Variants in EPHB2 observed in about 807,000 individuals in gnomAD.
EPHB2 encodes the protein ephrin type-B receptor 2.
EPHB2 carries 18 observed loss-of-function variants against 96.4 expected under a neutral mutation model. The observed-to-expected ratio is 0.19, with a 90% CI of 0.13 to 0.28. EPHB2 has a LOEUF of 0.28. Ranked by LOEUF, EPHB2 falls within the 10% of genes least tolerant of loss-of-function variation. EPHB2 has a pLI of 1.00. For missense variants in EPHB2, 989 were observed against 1,355.4 expected (o/e 0.73, Z 4.25); for synonymous variants, 506 against 534.1 (o/e 0.95, Z 0.72).
chr1:22,841,008 A>C (rs534491659), intron 3 of EPHB2, among the ~76,000 whole-genome samples: 1 of 152,270 alleles, frequency 6.6e-6, no homozygotes, highest in East Asian at 1.9e-4. Flanking sequence ...TCACTGTCTG[A>C]CAGAGGAGAC....
intron 3 of EPHB2, among the ~76,000 whole-genome samples, chr1:22,852,434 G>A (rs532878352): frequency 6.6e-6 from 1 of 152,354 alleles, no homozygotes; most frequent in East Asian, 1.9e-4. Context: ...CCAGAGTGGG[G>A]AGCCACCCTG....
rs1476906369 is a variant in EPHB2 at position 22,918,936 on chromosome 1, A to G, written c.*5366A>G. ...CAGAGGTGATTCCCAGAAGATTCCA[A>G]CCAGGCCATCTGTCTGTAGTCCTTC... On this transcript the variant is annotated 3_prime_UTR_variant, in exon 16 of 16. Coordinates refer to ENST00000374630, the MANE Select transcript of EPHB2 (RefSeq NM_017449.5). The surrounding 1 kb of genome is among the most constrained non-coding windows in gnomAD (Gnocchi z 4.2). 2 of 152,240 alleles carry G rather than the reference A, an allele frequency of 1.3e-5. No individual in the cohort carries two copies. Among genetic ancestry groups the G allele is most frequent in the Non-Finnish European group, 2.9e-5 (2 of 68,044 alleles). 9.4% of individuals were successfully genotyped at this position (152,240 alleles called of 1,614,324 possible).
chr1:22,838,099 A>T (rs566985535), intron 3 of EPHB2, among the ~76,000 whole-genome samples: 14 of 152,326 alleles, frequency 9.2e-5, no homozygotes, highest in African/African-American at 2.9e-4. Flanking sequence ...GCAGATAAAC[A>T]GAGCCCGGGG....
rs1015698806 is a variant in EPHB2 at position 22,875,587 on chromosome 1, G to A, written c.1304-6772G>A. Among the ~76,000 whole-genome samples, 1 of 152,086 alleles carries A rather than the reference G, an allele frequency of 6.6e-6. No individual in the cohort carries two copies. Among genetic ancestry groups the A allele is most frequent in the Non-Finnish European group, 1.5e-5 (1 of 68,016 alleles). On this transcript the variant is annotated intron_variant, in intron 5 of 15. Coordinates refer to ENST00000374630, the MANE Select transcript of EPHB2 (RefSeq NM_017449.5). The surrounding 1 kb of genome is among the most constrained non-coding windows in gnomAD (Gnocchi z 4.2). ...GCCAGAAAAGGGGAGAATCTGTCTG[G>A]TCCCCGCTTTTCCCTTTCTCCCTTC...
In EPHB2 at chr1:22,858,935, C is replaced by A. The variant is rs1645747371; in HGVS notation, c.812-4102C>A. On this transcript the variant is annotated intron_variant, in intron 3 of 15. Transcript: ENST00000374630. The surrounding 1 kb of genome is among the most constrained non-coding windows in gnomAD (Gnocchi z 7.7). ...TTATACTGGGAGTTTACAGTCCAGC[C>A]AGGTAGACACATTCATAAGCAAGTA... 6.6e-6 allele frequency among the ~76,000 whole-genome samples: 1 copy of A among 152,154 alleles called. No individual in the cohort carries two copies. Among genetic ancestry groups the A allele is most frequent in the Admixed American group, 6.5e-5 (1 of 15,272 alleles).
At chr1:22,802,584 A>T (rs1308197858) in intron 3 of EPHB2, among the ~76,000 whole-genome samples, 1 of 151,984 alleles carries the variant, frequency 6.6e-6, no homozygotes, top group East Asian at 1.9e-4. Context: ...CTCCGAGAGG[A>T]GAAAGGTCTG....
intron 1 of EPHB2, among the ~76,000 whole-genome samples, chr1:22,778,483 C>G (rs980774201): frequency 1.3e-5 from 2 of 152,146 alleles, no homozygotes; most frequent in Admixed American, 1.3e-4. Context: ...AGCAAAAGAC[C>G]AGGTTGGGGA....
intron 6 of EPHB2, among the ~76,000 whole-genome samples, chr1:22,884,506 G>C (rs950412001): frequency 1.3e-5 from 2 of 151,672 alleles, no homozygotes; most frequent in Non-Finnish European, 2.9e-5. Flanking sequence ...TGTAATCCCA[G>C]CTACTCAGGA....
At position 22,835,191 on chromosome 1, in the gene EPHB2, G is replaced by A. The variant is rs537026819; in HGVS notation, c.812-27846G>A. On this transcript the variant is annotated intron_variant, in intron 3 of 15. Coordinates refer to ENST00000374630, the MANE Select transcript of EPHB2 (RefSeq NM_017449.5). Reference sequence around the variant, plus strand: ...TCCAGGAGTTCTGAGACCAGCCTGGGTGACATGGCGAAACCTCATCTCTAC... The same window carrying A: ...TCCAGGAGTTCTGAGACCAGCCTGGATGACATGGCGAAACCTCATCTCTAC... 4.6e-5 allele frequency among the ~76,000 whole-genome samples: 7 copies of A among 152,238 alleles called. No homozygotes were observed. In the South Asian group the frequency reaches 1.5e-3, roughly 32 times the overall value.
At position 22,737,721 on chromosome 1, in the gene EPHB2, G is replaced by A. The variant is rs534740490; in HGVS notation, c.61+26678G>A. Among the ~76,000 whole-genome samples, 19 of 152,226 alleles carry A rather than the reference G, an allele frequency of 1.2e-4. No individual in the cohort carries two copies. In the South Asian group the frequency reaches 1.9e-3, roughly 15 times the overall value. On this transcript the variant is annotated intron_variant, in intron 1 of 15. Transcript: ENST00000374630. ...TAGAGACTTTCTTGTCTTATTCATC[G>A]TTGGGCCTCCAGTGCCTAGCACAGA...
chr1:22,911,655 CACTT>C (rs1413078698), intron 14 of EPHB2, among the ~76,000 whole-genome samples: 4 of 152,192 alleles, frequency 2.6e-5, no homozygotes, highest in Non-Finnish European at 5.9e-5. Flanking sequence ...CCCCTGCACA[CACTT>C]ACTCCTCAGG....
At chr1:22,802,180 C>A (rs1363746721) in intron 3 of EPHB2, among the ~76,000 whole-genome samples, 1 of 152,116 alleles carries the variant, frequency 6.6e-6, no homozygotes, top group Non-Finnish European at 1.5e-5. Flanking sequence ...AGGGGGCAGA[C>A]TAGCCTGGCC....
chr1:22,793,936 C>A (rs1311529121), intron 3 of EPHB2, among the ~76,000 whole-genome samples: 1 of 146,822 alleles, frequency 6.8e-6, no homozygotes, highest in Non-Finnish European at 1.5e-5. Flanking sequence ...AATAAGTTGT[C>A]CAGATGTACT....
In EPHB2 at chr1:22,846,055, G is replaced by A. The variant is rs1216818623; in HGVS notation, c.812-16982G>A. 6.6e-6 allele frequency among the ~76,000 whole-genome samples: 1 copy of A among 152,178 alleles called. No homozygotes were observed. The highest frequency in any genetic ancestry group is 1.5e-5 in the Non-Finnish European group (1 of 68,044). On this transcript the variant is annotated intron_variant, in intron 3 of 15. Transcript: ENST00000374630. This position sits in a 1 kb window ranked among gnomAD's most constrained non-coding sequence, Gnocchi z 4.3. ...AAGTTTGGGATCAGTTAGACCCTAA[G>A]GATCCCTGCAGAGGAGCCCAGGATG...
chr1:22,803,513 G>A (rs1238242765), intron 3 of EPHB2, among the ~76,000 whole-genome samples: 3 of 151,702 alleles, frequency 2.0e-5, no homozygotes, highest in East Asian at 1.9e-4. Context: ...AGGCTGAGGT[G>A]GGAGGATCAC....
chr1:22,879,766 A>G (rs1028715972), intron 5 of EPHB2, among the ~76,000 whole-genome samples: 2 of 152,248 alleles, frequency 1.3e-5, no homozygotes, highest in Non-Finnish European at 2.9e-5. Flanking sequence ...GCAAACACCC[A>G]CAGCACTGAC....
chr1:22,827,983 A>G (rs1021189780), intron 3 of EPHB2, among the ~76,000 whole-genome samples: 1 of 152,212 alleles, frequency 6.6e-6, no homozygotes, highest in Non-Finnish European at 1.5e-5. Context: ...ACTCACAGTC[A>G]TGTGTGTGTC....
intron 1 of EPHB2, among the ~76,000 whole-genome samples, chr1:22,732,830 A>G (rs1296767668): frequency 6.6e-6 from 1 of 152,176 alleles, no homozygotes; most frequent in Non-Finnish European, 1.5e-5. Context: ...AGATAGGACC[A>G]TCTTTTTACC....
At chr1:22,754,179 A>T (rs1644108050) in intron 1 of EPHB2, among the ~76,000 whole-genome samples, 1 of 119,480 alleles carries the variant, frequency 8.4e-6, no homozygotes, top group African/African-American at 2.9e-5. Flanking sequence ...GCCCATGGAG[A>T]TAGCAGAAAT....
Sources: allele counts gnomAD v4.1 joint callset (sites outside exome capture counted in the v4.1 genomes callset), GRCh38; gene constraint gnomAD v4.1.1; non-coding constraint Gnocchi (gnomAD v3.1); transcripts MANE v1.5; gene names NCBI Gene and HGNC (gene_info 2026-07-23, HGNC 2026-07-21).